The following CLGN variants were observed in gnomAD, a reference collection of about 807,000 sequenced individuals.
CLGN encodes calmegin.
A neutral mutation model predicts 79.1 loss-of-function variants in CLGN; 62 were observed. The observed-to-expected ratio is 0.78, with a 90% CI of 0.64 to 0.97. The LOEUF is 0.97. CLGN is among the 50% of genes least tolerant of loss of function. The pLI is 0.00. For synonymous variants in CLGN, 225 were observed against 224.7 expected (o/e 1.00, Z -0.01); for missense variants, 647 against 715.5 (o/e 0.90, Z 1.09).
chr4:140,398,702 C>T, intron 8 of CLGN, 149 bp downstream of exon 8: 1 of 585,342 alleles, frequency 1.7e-6, no homozygotes. Flanking sequence ...GTGTAAAATC[C>T]ATTTTAGAAA....
intron 2 of CLGN, among the ~76,000 whole-genome samples, chr4:140,411,820 G>T (rs748044507): frequency 1.3e-5 from 2 of 152,072 alleles, no homozygotes; most frequent in Non-Finnish European, 2.9e-5. Context: ...GGGCAGTGGT[G>T]TCACAAGAGG....
At chr4:140,391,284 T>C (rs765768823) in intron 13 of CLGN, among the ~76,000 whole-genome samples, 1 of 151,786 alleles carries the variant, frequency 6.6e-6, no homozygotes, top group Non-Finnish European at 1.5e-5. Flanking sequence ...TTCTACGTAG[T>C]TCCAATGTGG....
intron 1 of CLGN, among the ~76,000 whole-genome samples, chr4:140,417,952 T>A (rs1729377988): frequency 6.6e-6 from 1 of 152,052 alleles, no homozygotes; most frequent in African/African-American, 2.4e-5. Context: ...CTTCAAACTA[T>A]ACTACAAGGC....
intron 1 of CLGN, among the ~76,000 whole-genome samples, chr4:140,413,861 C>A (rs1164681411): frequency 6.6e-6 from 1 of 152,276 alleles, no homozygotes; most frequent in African/African-American, 2.4e-5. Flanking sequence ...CACCACAGCT[C>A]AAGGAGGCCT....
At chr4:140,409,152 A>G (rs1380407368) in intron 4 of CLGN, among the ~76,000 whole-genome samples, 1 of 152,032 alleles carries the variant, frequency 6.6e-6, no homozygotes, top group African/African-American at 2.4e-5. Context: ...GTTTATGAGT[A>G]TGAGGTCCTC....
intron 4 of CLGN, 120 bp downstream of exon 4, chr4:140,409,717 A>G (rs1334987124): frequency 5.6e-6 from 3 of 540,404 alleles, no homozygotes; most frequent in Non-Finnish European, 9.9e-6. Context: ...AAGACTGAAC[A>G]TTTTATTGTG....
At chr4:140,402,242 C>A (rs1038090760) in intron 5 of CLGN, among the ~76,000 whole-genome samples, 176 bp from the exon 6 acceptor site, 1 of 151,978 alleles carries the variant, frequency 6.6e-6, no homozygotes, top group Non-Finnish European at 1.5e-5. Flanking sequence ...TTTTCTACTA[C>A]TCTAAAACAA....
chr4:140,410,240 C>T lies in CLGN; in HGVS notation c.218+313G>A, dbSNP rs376799330. Among the ~76,000 whole-genome samples the T allele has an allele frequency of 2.5e-4, 38 of 151,660 alleles. No individual in the cohort carries two copies. The East Asian group carries it at 3.5e-3, about 14-fold the overall frequency. On this transcript the variant is annotated intron_variant, in intron 3 of 14. Coordinates refer to ENST00000325617, the MANE Select transcript of CLGN (RefSeq NM_004362.3). ...ATTTAATATTAACTTTTGTTTTTTC[C>T]ATTATTTAGAGTAGAGCAGTACTCA...
intron 8 of CLGN, among the ~76,000 whole-genome samples, chr4:140,396,922 TAC>T (rs1179907837): frequency 8.7e-4 from 111 of 127,780 alleles, no homozygotes; most frequent in African/African-American, 3.4e-3. Flanking sequence ...TATATATATA[TAC>T]ACATATATAT....
chr4:140,403,698 T>A (rs1376513595), intron 5 of CLGN, among the ~76,000 whole-genome samples: 2 of 152,236 alleles, frequency 1.3e-5, no homozygotes, highest in Non-Finnish European at 2.9e-5. Flanking sequence ...GTTTCATTGT[T>A]CCATTATGCC....
At chr4:140,407,782 G>C (rs1729136544) in intron 4 of CLGN, among the ~76,000 whole-genome samples, 1 of 151,994 alleles carries the variant, frequency 6.6e-6, no homozygotes, top group South Asian at 2.1e-4. Flanking sequence ...CAGATTCAGT[G>C]TGATTATTGT....
At position 140,419,353 on chromosome 4, in the gene CLGN, TA is replaced by T. The variant is rs199777221; in HGVS notation, c.-9-6267del. ...ATGTACCCTAAAACTTAAAGTATAA[TA>T]AAAAAAAAATCTAAAGATAAAGATG... is the stretch of plus-strand genomic sequence containing the variant. On this transcript the variant is annotated intron_variant, in intron 1 of 14. Coordinates refer to ENST00000325617, the MANE Select transcript of CLGN (RefSeq NM_004362.3). Among the ~76,000 whole-genome samples, 111 of 148,786 alleles carry T rather than the reference TA, an allele frequency of 7.5e-4. 1 individual carries two copies. Among genetic ancestry groups the T allele is most frequent in the East Asian group, 2.0e-3 (10 of 5,126 alleles).
chr4:140,403,317 T>C (rs1019761047), intron 5 of CLGN, among the ~76,000 whole-genome samples: 2 of 152,178 alleles, frequency 1.3e-5, no homozygotes, highest in East Asian at 1.9e-4. Context: ...CCTCAAAGGA[T>C]TGTTATGATG....
intron 4 of CLGN, among the ~76,000 whole-genome samples, chr4:140,407,790 T>C (rs1410639472): frequency 6.6e-6 from 1 of 151,990 alleles, no homozygotes; most frequent in Non-Finnish European, 1.5e-5. Flanking sequence ...GTGTGATTAT[T>C]GTGAAAATAC....
chr4:140,404,969 G>T (rs1729072529), intron 5 of CLGN, among the ~76,000 whole-genome samples: 1 of 151,650 alleles, frequency 6.6e-6, no homozygotes, highest in African/African-American at 2.4e-5. Flanking sequence ...GGCATGGTGG[G>T]GAGGTGGAGA....
At position 140,390,703 on chromosome 4, in the gene CLGN, CTT is replaced by C. The variant is rs1327167427; in HGVS notation, c.1675_1676del (p.Lys559GlufsTer2). 6.2e-7 allele frequency: 1 copy of C among 1,603,858 alleles called. No individual in the cohort carries two copies. Among genetic ancestry groups the C allele is most frequent in the South Asian group, 1.1e-5 (1 of 90,004 alleles). Reference protein sequence around the residue: ...EKEEESEPEEKSEEEIEIIEG... With the variant: ...EKEEESEPEEXSEEEIEIIEG... ...CTATGATTTCAATTTCTTCTTCACT[CTT>C]TTCCTCAGGTTCACTTTCCTCTTCT... is the stretch of plus-strand genomic sequence containing the variant. On this transcript the variant is annotated frameshift_variant, in exon 14 of 15. Transcript: ENST00000325617. LOFTEE classifies it high-confidence loss of function.
At chr4:140,413,283 T>A (rs1357207247) in intron 1 of CLGN, among the ~76,000 whole-genome samples, 196 bp from the exon 2 acceptor site, 3 of 152,164 alleles carry the variant, frequency 2.0e-5, no homozygotes, top group Non-Finnish European at 4.4e-5. Context: ...AGGAAACAGA[T>A]TCTATAGCTG....
At chr4:140,424,272 T>G (rs1729522313) in intron 1 of CLGN, among the ~76,000 whole-genome samples, 1 of 152,186 alleles carries the variant, frequency 6.6e-6, no homozygotes, top group Non-Finnish European at 1.5e-5. Context: ...TTTGGCTCAT[T>G]GTTCAAGAGT....
At chr4:140,405,270 C>T (rs1414229714) in intron 5 of CLGN, among the ~76,000 whole-genome samples, 1 of 146,636 alleles carries the variant, frequency 6.8e-6, no homozygotes, top group Non-Finnish European at 1.5e-5. Context: ...CTGCAAGCTC[C>T]GCCTCCCGGG....
Sources: allele counts gnomAD v4.1 joint callset (sites outside exome capture counted in the v4.1 genomes callset), GRCh38; gene constraint gnomAD v4.1.1; transcripts MANE v1.5; gene names NCBI Gene and HGNC (gene_info 2026-07-23, HGNC 2026-07-21).